ALDH1A2: variants seen among roughly 807,000 people sequenced by gnomAD.
ALDH1A2 encodes the protein aldehyde dehydrogenase 1 family member A2, also known as retinal dehydrogenase 2.
In ALDH1A2, 27 loss-of-function variants were observed where a neutral mutation model predicts 60.3. The ratio of observed to expected loss-of-function variants is 0.45; its 90% confidence interval spans 0.33 to 0.62. The LOEUF is 0.62. Among genes scored for constraint, ALDH1A2 ranks in the 20% least tolerant of loss-of-function variants. The probability of loss-of-function intolerance (pLI) is 0.02; values close to 1 mark genes in which losing one functional copy is unlikely to be tolerated. For synonymous variants in ALDH1A2, 289 were observed against 232.4 expected, an observed-to-expected ratio of 1.24 and a Z score of -2.21; for missense variants, 581 against 643.8, an observed-to-expected ratio of 0.90 and a Z score of 1.06.
chr15:57,973,673 T>G (rs1321951032), intron 7 of ALDH1A2, among the ~76,000 whole-genome samples: 4 of 152,220 alleles, frequency 2.6e-5, no homozygotes, highest in Non-Finnish European at 4.4e-5. Flanking sequence ...GGCTTTTATA[T>G]TCTAGACAAA....
At chr15:57,974,172 T>A (rs548834041) in intron 7 of ALDH1A2, among the ~76,000 whole-genome samples, 1 of 152,272 alleles carries the variant, frequency 6.6e-6, no homozygotes, top group South Asian at 2.1e-4. Flanking sequence ...CCGGGCGCAG[T>A]GGCTCATGCC....
At chr15:58,057,700 A>C (rs77196713) in intron 1 of ALDH1A2, among the ~76,000 whole-genome samples, 2,502 of 152,308 alleles carry the variant, frequency 0.016, 36 homozygotes, top group Non-Finnish European at 0.024. Context: ...TCTATCATGA[A>C]CAATAGCTAC....
rs76571242 is a variant in ALDH1A2 at position 58,007,937 on chromosome 15, T to A, written c.493+2712A>T. ...TAATTATGATTACGATACCCCTTTC[T>A]GTGATCTTCCCCTATGACTCCCCTG... On this transcript the variant is annotated intron_variant, in intron 4 of 12. Transcript: ENST00000249750. Among the ~76,000 whole-genome samples the A allele has an allele frequency of 2.4e-3, 363 of 152,224 alleles. 2 individuals carry two copies. Among genetic ancestry groups the A allele is most frequent in the African/African-American group, 8.5e-3 (354 of 41,556 alleles).
At chr15:58,062,886 C>T (rs1490311745) in intron 1 of ALDH1A2, among the ~76,000 whole-genome samples, 2 of 152,198 alleles carry the variant, frequency 1.3e-5, no homozygotes, top group African/African-American at 2.4e-5. Context: ...AAAGTCCATA[C>T]ACAACCATGA....
chr15:58,026,065 A>T (rs114576790), intron 1 of ALDH1A2, among the ~76,000 whole-genome samples: 3 of 152,188 alleles, frequency 2.0e-5, no homozygotes, highest in Non-Finnish European at 4.4e-5. Flanking sequence ...AATTCTCTCT[A>T]AATCATTCTA....
intron 1 of ALDH1A2, among the ~76,000 whole-genome samples, chr15:58,032,911 A>C (rs1021496641): frequency 6.6e-6 from 1 of 152,038 alleles, no homozygotes; most frequent in African/African-American, 2.4e-5. Context: ...TACAAGTAAA[A>C]TAAGCCAGGC....
intron 1 of ALDH1A2, among the ~76,000 whole-genome samples, chr15:58,028,409 A>T (rs1896137412): frequency 6.6e-6 from 1 of 152,220 alleles, no homozygotes. Context: ...AGCACTAAAC[A>T]TGGAAAGGAA....
intron 7 of ALDH1A2, among the ~76,000 whole-genome samples, chr15:57,984,059 C>A (rs1331006514): frequency 6.6e-6 from 1 of 152,162 alleles, no homozygotes; most frequent in African/African-American, 2.4e-5. Flanking sequence ...TATGTCATTC[C>A]GAATTTTAAT....
At chr15:58,063,425 G>C (rs1196554480) in intron 1 of ALDH1A2, among the ~76,000 whole-genome samples, 2 of 152,046 alleles carry the variant, frequency 1.3e-5, no homozygotes, top group Non-Finnish European at 2.9e-5. Flanking sequence ...GTTTGAAATT[G>C]CTAATATAAT....
At position 57,954,837 on chromosome 15, in the gene ALDH1A2, A is replaced by G. The variant is rs1893463642; in HGVS notation, c.*360T>C. ...GAAGGAGGAAAATGAAGACAGGAGA[A>G]AGGTCACCTTTCCTTGAGAGGAAAG... On this transcript the variant is annotated 3_prime_UTR_variant, in exon 13 of 13. Coordinates refer to ENST00000249750, the MANE Select transcript of ALDH1A2 (RefSeq NM_003888.4). 3.2e-6 allele frequency: 1 copy of G among 315,920 alleles called. No individual in the cohort carries two copies. 19.6% of individuals were successfully genotyped at this position (315,920 alleles called of 1,614,324 possible).
intron 1 of ALDH1A2, among the ~76,000 whole-genome samples, chr15:58,046,086 G>T (rs1896632901): frequency 6.6e-6 from 1 of 151,942 alleles, no homozygotes; most frequent in Non-Finnish European, 1.5e-5. Flanking sequence ...ACTCTAATAA[G>T]GACAATACTC....
At chr15:58,054,262 A>C (rs529865573) in intron 1 of ALDH1A2, among the ~76,000 whole-genome samples, 7 of 152,210 alleles carry the variant, frequency 4.6e-5, no homozygotes, top group African/African-American at 1.7e-4. Flanking sequence ...AAGAAAAGGC[A>C]TAAGTTTGGT....
At chr15:58,034,570 A>T (rs1896327601) in intron 1 of ALDH1A2, among the ~76,000 whole-genome samples, 1 of 151,660 alleles carries the variant, frequency 6.6e-6, no homozygotes, top group Non-Finnish European at 1.5e-5. Context: ...CTAGTTTCTC[A>T]CCATTAAATA....
intron 1 of ALDH1A2, among the ~76,000 whole-genome samples, chr15:58,019,898 G>A (rs12914455): frequency 0.45 from 68,494 of 151,902 alleles, 16,070 homozygotes; most frequent in Non-Finnish European, 0.53. Flanking sequence ...CATGTGCCAC[G>A]GTGGTTTGCT....
intron 11 of ALDH1A2, 42 bp downstream of exon 11, chr15:57,961,095 T>A: frequency 1.9e-6 from 3 of 1,610,440 alleles, no homozygotes; most frequent in Non-Finnish European, 2.5e-6. Flanking sequence ...CTGGTCCCTA[T>A]ACCACCAGTG....
intron 12 of ALDH1A2, 73 bp downstream of exon 12, chr15:57,960,697 A>G (rs779747774): frequency 6.6e-5 from 89 of 1,342,816 alleles, no homozygotes; most frequent in Middle Eastern, 1.8e-4. Context: ...TAATTAAACT[A>G]TTTTTTAAGT....
intron 12 of ALDH1A2, among the ~76,000 whole-genome samples, chr15:57,958,214 G>GCACACACACA (rs113322985): frequency 1.6e-4 from 24 of 151,818 alleles, no homozygotes; most frequent in Middle Eastern, 3.4e-3. Flanking sequence ...GTACACGCAC[G>GCACACACACA]CACACACACA....
rs1435399250 is a variant in ALDH1A2, at chr15:58,029,816, C to T, written c.118-15535G>A. On this transcript the variant is annotated intron_variant, in intron 1 of 12. Transcript: ENST00000249750. Reference sequence around the variant, plus strand: ...AAATGGATAAATTCCTGGACACATACACCCTCCCAAGAATAAACCAGGAAG... The same window carrying T: ...AAATGGATAAATTCCTGGACACATATACCCTCCCAAGAATAAACCAGGAAG... Among the ~76,000 whole-genome samples the T allele has an allele frequency of 2.0e-5, 3 of 152,136 alleles. No homozygotes were observed. In the East Asian group the frequency reaches 5.8e-4, roughly 29 times the overall value.
intron 1 of ALDH1A2, among the ~76,000 whole-genome samples, chr15:58,063,244 A>G (rs1184280496): frequency 6.6e-6 from 1 of 152,196 alleles, no homozygotes; most frequent in African/African-American, 2.4e-5. Flanking sequence ...AAACAATAAC[A>G]TATTGTCTTA....
Sources: allele counts gnomAD v4.1 joint callset (sites outside exome capture counted in the v4.1 genomes callset), GRCh38; gene constraint gnomAD v4.1.1; transcripts MANE v1.5; gene names NCBI Gene and HGNC (gene_info 2026-07-23, HGNC 2026-07-21).